CNTNAP2: variants seen among roughly 807,000 people sequenced by gnomAD.
The protein encoded by CNTNAP2 is contactin-associated protein-like 2.
CNTNAP2 carries 98 observed loss-of-function variants against 155.2 expected under a neutral mutation model. The ratio of observed to expected loss-of-function variants is 0.63; its 90% CI spans 0.54 to 0.75. The LOEUF is 0.75. Among genes scored for constraint, CNTNAP2 ranks in the 30% least tolerant of loss-of-function variants. CNTNAP2 has a pLI of 0.00. For missense variants in CNTNAP2, 1,727 were observed against 1,688.1 expected (o/e 1.02, Z -0.40); for synonymous variants, 651 against 631.2 (o/e 1.03, Z -0.47).
intron 1 of CNTNAP2, among the ~76,000 whole-genome samples, chr7:146,618,473 G>A (rs536139867): frequency 1.3e-3 from 205 of 152,216 alleles, no homozygotes; most frequent in African/African-American, 4.7e-3. Flanking sequence ...CTACAATCAT[G>A]TCTAAGAGAG....
chr7:146,339,850 G>A (rs7808440), intron 1 of CNTNAP2, among the ~76,000 whole-genome samples: 30,429 of 151,898 alleles, frequency 0.2, 5,958 homozygotes, highest in African/African-American at 0.51. Flanking sequence ...CACCCTCCTC[G>A]GAGTAATATA....
intron 4 of CNTNAP2, among the ~76,000 whole-genome samples, chr7:147,085,998 G>A (rs1376307973): frequency 6.6e-6 from 1 of 151,874 alleles, no homozygotes; most frequent in Non-Finnish European, 1.5e-5. Flanking sequence ...GAGCCTCATT[G>A]AAGCACAACT....
chr7:147,737,566 T>C (rs1796876214), intron 13 of CNTNAP2, among the ~76,000 whole-genome samples: 1 of 152,110 alleles, frequency 6.6e-6, no homozygotes, highest in Admixed American at 6.5e-5. Flanking sequence ...GACATTTAAG[T>C]CTGCAGAGGT....
At chr7:148,282,321 G>A (rs1357226806) in intron 21 of CNTNAP2, among the ~76,000 whole-genome samples, 1 of 152,170 alleles carries the variant, frequency 6.6e-6, no homozygotes, top group Non-Finnish European at 1.5e-5. Context: ...AACATTGAGG[G>A]TCAGGCTCAA....
intron 10 of CNTNAP2, among the ~76,000 whole-genome samples, chr7:147,463,772 G>T (rs1375084297): frequency 6.6e-6 from 1 of 152,076 alleles, no homozygotes; most frequent in African/African-American, 2.4e-5. Flanking sequence ...GGAATAGCAG[G>T]TTTTCCAGGA....
intron 1 of CNTNAP2, among the ~76,000 whole-genome samples, chr7:146,148,027 C>T (rs1171211406): frequency 6.6e-6 from 1 of 151,996 alleles, no homozygotes; most frequent in Non-Finnish European, 1.5e-5. Flanking sequence ...TCTTATAGGA[C>T]TGTGCTTTAT....
At chr7:147,921,782 T>C (rs1406643028) in intron 14 of CNTNAP2, among the ~76,000 whole-genome samples, 1 of 152,198 alleles carries the variant, frequency 6.6e-6, no homozygotes, top group Admixed American at 6.5e-5. Context: ...CAGAAGTTTA[T>C]AAGCCTCATG....
chr7:147,344,788 C>T (rs1404149285), intron 9 of CNTNAP2, among the ~76,000 whole-genome samples: 4 of 151,940 alleles, frequency 2.6e-5, no homozygotes, highest in African/African-American at 9.7e-5. Context: ...AAATTAGGGA[C>T]TTTTTTTAAT....
At chr7:148,025,345 A>G (rs1430816989) in intron 15 of CNTNAP2, among the ~76,000 whole-genome samples, 3 of 152,160 alleles carry the variant, frequency 2.0e-5, no homozygotes, top group Non-Finnish European at 4.4e-5. Context: ...TCATCCAGAT[A>G]CTGACTCAGT....
intron 1 of CNTNAP2, among the ~76,000 whole-genome samples, chr7:146,502,224 AATAT>A (rs59759183): frequency 0.022 from 2,056 of 94,646 alleles, 34 homozygotes; most frequent in African/African-American, 0.07. Context: ...TATATATATG[AATAT>A]ATATATATAT....
intron 1 of CNTNAP2, among the ~76,000 whole-genome samples, chr7:146,664,445 C>T (rs531085645): frequency 7.3e-4 from 111 of 151,982 alleles, no homozygotes; most frequent in Middle Eastern, 3.4e-3. Context: ...ACCGGCGTGA[C>T]CCACCATGCC....
rs143870006 is a variant in CNTNAP2, at chr7:147,077,141, C to A, written c.551-31006C>A. Among the ~76,000 whole-genome samples, 42 of 152,122 alleles carry A rather than the reference C, an allele frequency of 2.8e-4. 1 individual carries two copies. The East Asian group carries it at 7.7e-3, about 28-fold the overall frequency. ...AAAAGTATTTTCTCATCCTTAAATTCTTTTTTCCATTGTTTTCCAATTTAG... is the reference window on the plus strand; with the variant it reads ...AAAAGTATTTTCTCATCCTTAAATTATTTTTTCCATTGTTTTCCAATTTAG... On this transcript the variant is annotated intron_variant, in intron 4 of 23. Coordinates refer to ENST00000361727, the MANE Select transcript of CNTNAP2 (RefSeq NM_014141.6).
intron 3 of CNTNAP2, among the ~76,000 whole-genome samples, chr7:146,934,455 G>T (rs71525976): frequency 7.9e-6 from 1 of 126,776 alleles, no homozygotes; most frequent in Non-Finnish European, 1.7e-5. Flanking sequence ...GTGGGGGGAG[G>T]GGGAAGGGGG....
intron 1 of CNTNAP2, among the ~76,000 whole-genome samples, chr7:146,449,758 A>G (rs1796451317): frequency 6.6e-6 from 1 of 152,154 alleles, no homozygotes; most frequent in South Asian, 2.1e-4. Flanking sequence ...AAACTGGTTG[A>G]TATGCCTTTT....
At chr7:147,940,793 C>T (rs1280194505) in intron 14 of CNTNAP2, among the ~76,000 whole-genome samples, 1 of 152,172 alleles carries the variant, frequency 6.6e-6, no homozygotes, top group African/African-American at 2.4e-5. Flanking sequence ...CCACCTCGGG[C>T]ACCAAAAGTG....
intron 20 of CNTNAP2, among the ~76,000 whole-genome samples, chr7:148,264,487 T>C (rs1796631524): frequency 6.6e-6 from 1 of 152,144 alleles, no homozygotes; most frequent in African/African-American, 2.4e-5. Context: ...TATCATCAAG[T>C]TAAAAAATAT....
At chr7:146,528,020 A>G (rs1396684326) in intron 1 of CNTNAP2, among the ~76,000 whole-genome samples, 1 of 152,126 alleles carries the variant, frequency 6.6e-6, no homozygotes, top group East Asian at 1.9e-4. Context: ...AGAAAGAAAA[A>G]TATTGTCATT....
chr7:147,688,247 A>G (rs997104983), intron 13 of CNTNAP2, among the ~76,000 whole-genome samples: 1 of 152,196 alleles, frequency 6.6e-6, no homozygotes, highest in African/African-American at 2.4e-5. Context: ...TAGAAGGAAG[A>G]CCAGTTATTA....
chr7:146,665,482 GT>G (rs1800174062), intron 1 of CNTNAP2, among the ~76,000 whole-genome samples: 1 of 151,614 alleles, frequency 6.6e-6, no homozygotes, highest in Admixed American at 6.6e-5. Flanking sequence ...CATGTTTGGG[GT>G]TTTTAAGATA....
Sources: allele counts gnomAD v4.1 joint callset (sites outside exome capture counted in the v4.1 genomes callset), GRCh38; gene constraint gnomAD v4.1.1; transcripts MANE v1.5; gene names NCBI Gene and HGNC (gene_info 2026-07-23, HGNC 2026-07-21).